SYT16: variants seen among roughly 807,000 people sequenced by gnomAD.
The protein encoded by SYT16 is synaptotagmin-16.
In SYT16, 42 loss-of-function variants were observed where a neutral mutation model predicts 61.4. The observed-to-expected ratio is 0.68, with a 90% CI of 0.53 to 0.89. The LOEUF (loss-of-function observed/expected upper bound fraction) is 0.89. Ranked by LOEUF, SYT16 falls within the 40% of genes least tolerant of loss-of-function variation. SYT16 has a pLI of 0.00. For synonymous variants in SYT16, 314 were observed against 302.3 expected, an observed-to-expected ratio of 1.04 and a Z score of -0.40; for missense variants, 804 against 807.3, an observed-to-expected ratio of 1.00 and a Z score of 0.05.
rs774683823 is a variant in SYT16, at chr14:62,069,659, G to T, written c.580G>T (p.Val194Leu). The T allele has an allele frequency of 9.9e-6, 16 of 1,613,860 alleles. No individual in the cohort carries two copies. The Admixed American group carries it at 1.2e-4, about 12-fold the overall frequency. ...CACATCTTCTGACAGTGACGAGGAG[G>T]TGATCAAACAATTTGAGATTTCCGT... Reference protein sequence around the residue: ...LSTSSDSDEEVIKQFEISVSR... With the variant: ...LSTSSDSDEELIKQFEISVSR... Residue 194 changes from valine to leucine, a missense_variant, in exon 4 of 8, where the codon GTG (valine) becomes TTG (leucine). Val to Leu is a conservative substitution (Grantham distance 32). Transcript: ENST00000683842.
At chr14:62,013,332 C>A (rs2053541765) in intron 3 of SYT16, among the ~76,000 whole-genome samples, 1 of 152,156 alleles carries the variant, frequency 6.6e-6, no homozygotes, top group South Asian at 2.1e-4. Context: ...GGTTGAAGTG[C>A]CCCCACTTCC....
At position 62,106,726 on chromosome 14, in the gene SYT16, T is replaced by C. The variant is rs1481140642; in HGVS notation, c.*6019T>C. The C allele has an allele frequency of 2.0e-5, 3 of 152,146 alleles. No homozygotes were observed. Among genetic ancestry groups the C allele is most frequent in the African/African-American group, 7.2e-5 (3 of 41,414 alleles). The allele number at this position is 152,146 out of a possible 1,614,324, so 9.4% of individuals were successfully genotyped here. ...GCCTGCAGGCTCAGGGGGAGTTTCCTCTCCTATGGTGCTTTGACTGTTTTT... is the reference window on the plus strand; with the variant it reads ...GCCTGCAGGCTCAGGGGGAGTTTCCCCTCCTATGGTGCTTTGACTGTTTTT... On this transcript the variant is annotated 3_prime_UTR_variant, in exon 8 of 8. Coordinates refer to ENST00000683842, the MANE Select transcript of SYT16 (RefSeq NM_001367656.1).
chr14:62,083,753 C>T (rs550629761), intron 6 of SYT16, among the ~76,000 whole-genome samples: 24 of 152,260 alleles, frequency 1.6e-4, no homozygotes, highest in African/African-American at 4.3e-4. Flanking sequence ...TAAGACACAA[C>T]GCCTCCTGTA....
intron 1 of SYT16, among the ~76,000 whole-genome samples, chr14:61,925,149 G>C (rs1030113383): frequency 6.6e-6 from 1 of 152,206 alleles, no homozygotes; most frequent in South Asian, 2.1e-4. Context: ...AATAAACACT[G>C]GGGGGCAGTC....
chr14:61,938,416 C>T (rs1594957808), intron 1 of SYT16, among the ~76,000 whole-genome samples: 1 of 151,856 alleles, frequency 6.6e-6, no homozygotes, highest in East Asian at 1.9e-4. Context: ...ATACAGTTCA[C>T]CTTCAGGGTT....
chr14:61,916,966 A>G (rs894922244), intron 1 of SYT16, among the ~76,000 whole-genome samples: 19 of 152,104 alleles, frequency 1.2e-4, no homozygotes, highest in African/African-American at 4.3e-4. Context: ...TATATATGAC[A>G]CATTTTCTTT....
chr14:61,884,728 T>A (rs1325119369), intron 1 of SYT16, among the ~76,000 whole-genome samples: 1 of 152,214 alleles, frequency 6.6e-6, no homozygotes, highest in East Asian at 1.9e-4. Flanking sequence ...AGCTGACTTT[T>A]TTTTCCACAG....
At chr14:61,904,560 G>A (rs895775340) in intron 1 of SYT16, among the ~76,000 whole-genome samples, 2 of 152,198 alleles carry the variant, frequency 1.3e-5, no homozygotes, top group African/African-American at 4.8e-5. Flanking sequence ...TCTTGGAAAT[G>A]GTATGTGGAG....
chr14:61,887,587 C>A (rs150448780), intron 1 of SYT16, among the ~76,000 whole-genome samples: 2 of 152,320 alleles, frequency 1.3e-5, no homozygotes, highest in East Asian at 3.9e-4. Flanking sequence ...TTAGCCAGAT[C>A]TTCAGGATAA....
intron 1 of SYT16, among the ~76,000 whole-genome samples, chr14:61,939,012 A>G (rs925600416): frequency 6.6e-6 from 1 of 152,112 alleles, no homozygotes; most frequent in Non-Finnish European, 1.5e-5. Context: ...GCGGGTGCCT[A>G]TAATCCCAGC....
intron 2 of SYT16, among the ~76,000 whole-genome samples, chr14:61,978,381 A>T (rs1468142289): frequency 1.3e-5 from 2 of 152,218 alleles, no homozygotes; most frequent in Non-Finnish European, 2.9e-5. Flanking sequence ...AATGATTCTT[A>T]CAAAGAAAGA....
intron 3 of SYT16, among the ~76,000 whole-genome samples, chr14:62,012,231 A>C (rs1480524439): frequency 6.6e-6 from 1 of 152,078 alleles, no homozygotes; most frequent in African/African-American, 2.4e-5. Context: ...CTGCATCCTC[A>C]TCTGGAAGTT....
chr14:62,045,110 C>A (rs1387484128), intron 3 of SYT16, among the ~76,000 whole-genome samples: 1 of 152,008 alleles, frequency 6.6e-6, no homozygotes, highest in South Asian at 2.1e-4. Flanking sequence ...TACACTCCAG[C>A]CTGGGTGACA....
chr14:61,894,142 G>A (rs149576026), intron 1 of SYT16, among the ~76,000 whole-genome samples: 12 of 152,072 alleles, frequency 7.9e-5, no homozygotes, highest in African/African-American at 2.4e-4. Context: ...AAAATTAGCC[G>A]GGCATTGTGG....
At chr14:62,053,283 C>G (rs1317206822) in intron 3 of SYT16, among the ~76,000 whole-genome samples, 1 of 152,210 alleles carries the variant, frequency 6.6e-6, no homozygotes, top group South Asian at 2.1e-4. Flanking sequence ...GATCCTTTCT[C>G]AAGGACATGA....
intron 2 of SYT16, among the ~76,000 whole-genome samples, chr14:61,991,716 C>T (rs546542383): frequency 6.6e-6 from 1 of 152,260 alleles, no homozygotes; most frequent in South Asian, 2.1e-4. Flanking sequence ...GGGATCATCT[C>T]ACAATGGTTA....
Position 61,815,668 on chromosome 14 carries a change from A to T in SYT16, c.-325+2858A>T, listed in dbSNP as rs549832202. Among the ~76,000 whole-genome samples the T allele has an allele frequency of 4.5e-4, 69 of 152,276 alleles. 2 individuals are homozygous for T. The South Asian group carries it at 0.014, about 32-fold the overall frequency. On this transcript the variant is annotated intron_variant, in intron 1 of 7. Transcript: ENST00000683842. The stretch of plus-strand genomic sequence containing the variant: ...GGCAGATTCCAGAGGAGAAAAGGGG[A>T]ACTCGAGAGCTTCAACTAGGTTTTC...
At chr14:61,953,042 CTT>C (rs952476492) in intron 1 of SYT16, among the ~76,000 whole-genome samples, 16 of 152,134 alleles carry the variant, frequency 1.1e-4, no homozygotes, top group African/African-American at 3.9e-4. Context: ...GTATCACAGA[CTT>C]TGTTCTTCTC....
intron 1 of SYT16, among the ~76,000 whole-genome samples, chr14:61,837,563 G>A (rs1157112184): frequency 2.0e-5 from 3 of 152,138 alleles, no homozygotes; most frequent in Non-Finnish European, 4.4e-5. Flanking sequence ...CTGGGGAATC[G>A]GCATCTGAAA....
Sources: gnomAD v4.1 joint callset for allele counts (sites outside exome capture counted in the v4.1 genomes callset) on GRCh38, gnomAD v4.1.1 for gene constraint, MANE v1.5 for transcripts, NCBI Gene and HGNC (gene_info 2026-07-23, HGNC 2026-07-21) for gene names.